Variants in MYCBP2 observed in about 807,000 individuals in gnomAD.
The protein encoded by MYCBP2 is E3 ubiquitin-protein ligase MYCBP2.
Under a neutral mutation model 525.3 loss-of-function variants are expected in MYCBP2, and 120 were observed. The ratio of observed to expected loss-of-function variants is 0.23; its 90% CI spans 0.20 to 0.27. The LOEUF is 0.27. Ranked by LOEUF, MYCBP2 falls within the 10% of genes least tolerant of loss-of-function variation. The pLI is 1.00. For missense variants in MYCBP2, 4,149 were observed against 5,657.1 expected, an observed-to-expected ratio of 0.73 and a Z score of 8.55; for synonymous variants, 1,894 against 1,955.8, an observed-to-expected ratio of 0.97 and a Z score of 0.83.
chr13:77,210,825 C>T (rs2063911989), intron 23 of MYCBP2, among the ~76,000 whole-genome samples: 1 of 152,100 alleles, frequency 6.6e-6, no homozygotes, highest in African/African-American at 2.4e-5. Flanking sequence ...ATGATAATAG[C>T]AAACACTTAT....
In MYCBP2 at chr13:77,120,332, T is replaced by C. The variant is rs576754228; in HGVS notation, c.8140+1041A>G. 3.3e-5 allele frequency among the ~76,000 whole-genome samples: 5 copies of C among 151,590 alleles called. No individual in the cohort carries two copies. The East Asian group carries it at 9.7e-4, about 29-fold the overall frequency. ...TATGAGATAGGCTAGTCCAAGGGAG[T>C]AAAAAAAAATCTTGTGGCTAGGTTT... On this transcript the variant is annotated intron_variant, in intron 55 of 82. Transcript: ENST00000544440.
At chr13:77,271,490 T>C (rs1019988224) in intron 5 of MYCBP2, among the ~76,000 whole-genome samples, 2 of 152,128 alleles carry the variant, frequency 1.3e-5, no homozygotes, top group South Asian at 4.1e-4. Flanking sequence ...CATACTCATA[T>C]GGTTTGGTTG....
chr13:77,272,878 C>A (rs371897268), intron 5 of MYCBP2, among the ~76,000 whole-genome samples: 7 of 152,352 alleles, frequency 4.6e-5, no homozygotes, highest in Admixed American at 3.9e-4. Context: ...AAGATCATAA[C>A]TTCTTTCTCA....
intron 4 of MYCBP2, among the ~76,000 whole-genome samples, chr13:77,274,325 A>C (rs1054572036): frequency 7.2e-5 from 11 of 152,238 alleles, no homozygotes; most frequent in African/African-American, 2.7e-4. Context: ...AGGTCTCTGC[A>C]CAAAATTCCC....
chr13:77,223,791 T>A (rs2065902263), intron 20 of MYCBP2, among the ~76,000 whole-genome samples: 1 of 152,176 alleles, frequency 6.6e-6, no homozygotes, highest in Non-Finnish European at 1.5e-5. Flanking sequence ...CCCTTTCCCT[T>A]TAACAGCAAG....
At chr13:77,288,107 G>T in intron 3 of MYCBP2, 54 bp downstream of exon 3, 1 of 1,558,750 alleles carries the variant, frequency 6.4e-7, no homozygotes, top group Non-Finnish European at 8.8e-7. Flanking sequence ...ATGCATTATA[G>T]CCAGAACACC....
At chr13:77,190,119 A>T in intron 29 of MYCBP2, 133 bp downstream of exon 29, 1 of 476,074 alleles carries the variant, frequency 2.1e-6, no homozygotes, top group South Asian at 4.8e-5. Flanking sequence ...ATATATTTAT[A>T]GTTCTACCAG....
intron 26 of MYCBP2, among the ~76,000 whole-genome samples, chr13:77,201,267 A>G (rs1047216955): frequency 3.3e-5 from 5 of 149,604 alleles, no homozygotes; most frequent in Non-Finnish European, 6.0e-5. Context: ...AACAGACTTT[A>G]AACCAACAAA....
rs575444475 is a variant in MYCBP2, at chr13:77,247,631, G to T, written c.2381+3520C>A. On this transcript the variant is annotated intron_variant, in intron 15 of 82. Transcript: ENST00000544440. ...CAAATAGCCAAACAATCTTGAAAAA[G>T]AAGAACAAAGTACTCGGTTTTGACT... 3.9e-5 allele frequency among the ~76,000 whole-genome samples: 6 copies of T among 152,168 alleles called. No homozygotes were observed. In the South Asian group the frequency reaches 6.2e-4, roughly 16 times the overall value.
Position 77,191,774 on chromosome 13 carries a change from CAGG to C in MYCBP2, c.3972_3974del (p.Leu1325del), listed in dbSNP as rs752478616. 1 of 1,614,060 alleles carries C rather than the reference CAGG, an allele frequency of 6.2e-7. No homozygotes were observed. Among genetic ancestry groups the C allele is most frequent in the Non-Finnish European group, 8.5e-7 (1 of 1,179,992 alleles). Reference sequence around the variant, plus strand: ...ATGCCACATACCACCACCCAGCTTGCAGGAGAACAGGCTCATCAAACATCATTG... The same window carrying C: ...ATGCCACATACCACCACCCAGCTTGCAGAACAGGCTCATCAAACATCATTG... On this transcript the variant is annotated inframe_deletion, in exon 28 of 83. Coordinates refer to ENST00000544440, the MANE Select transcript of MYCBP2 (RefSeq NM_015057.5).
chr13:77,286,570 GGT>G (rs1368141200), intron 3 of MYCBP2, among the ~76,000 whole-genome samples: 1 of 149,426 alleles, frequency 6.7e-6, no homozygotes, highest in African/African-American at 2.5e-5. Flanking sequence ...CGGCTAACAC[GGT>G]GAAACCCCGT....
At chr13:77,107,229 G>C (rs2047992644) in intron 55 of MYCBP2, among the ~76,000 whole-genome samples, 1 of 151,892 alleles carries the variant, frequency 6.6e-6, no homozygotes, top group African/African-American at 2.4e-5. Flanking sequence ...ACAGTAAATA[G>C]GTCTAACTTT....
chr13:77,262,544 T>C (rs2073473894), intron 10 of MYCBP2, among the ~76,000 whole-genome samples: 1 of 151,978 alleles, frequency 6.6e-6, no homozygotes, highest in Non-Finnish European at 1.5e-5. Flanking sequence ...TATATAAAGG[T>C]TGGAGAGGTT....
At chr13:77,177,393 G>A (rs2059815379) in intron 35 of MYCBP2, among the ~76,000 whole-genome samples, 1 of 144,122 alleles carries the variant, frequency 6.9e-6, no homozygotes, top group Non-Finnish European at 1.5e-5. Context: ...CCAGGCTTGA[G>A]TGCAGTGGCA....
In MYCBP2 at chr13:77,165,283, C is replaced by G. The variant is rs2058402485; in HGVS notation, c.6449G>C (p.Gly2150Ala). The change falls in exon 42 of 83, where the codon GGA becomes GCA. Residue 2150 changes from glycine to alanine, a missense_variant. This residue lies in a region of MYCBP2 where 692 missense variants were observed against 852.7 expected (regional missense o/e 0.81). Transcript: ENST00000544440. ...CFAIGYEFSP[G>A]PDEGVIQLEK... Reference sequence around the variant, plus strand: ...ATAATTCATTCTTACCTCATCAGGTCCAGGGCTAAATTCATATCCAATTGC... The same window carrying G: ...ATAATTCATTCTTACCTCATCAGGTGCAGGGCTAAATTCATATCCAATTGC... 3 of 1,603,818 alleles carry G rather than the reference C, an allele frequency of 1.9e-6. No individual in the cohort carries two copies. The highest frequency in any genetic ancestry group is 1.3e-5 in the African/African-American group (1 of 74,466).
At chr13:77,307,150 T>A (rs530381890) in intron 1 of MYCBP2, among the ~76,000 whole-genome samples, 1 of 152,234 alleles carries the variant, frequency 6.6e-6, no homozygotes, top group South Asian at 2.1e-4. Context: ...CCCTGAGACC[T>A]TTTCAAATCT....
rs560132688 is a variant in MYCBP2, at chr13:77,178,539, T to C, written c.5134-585A>G. 3.9e-5 allele frequency among the ~76,000 whole-genome samples: 6 copies of C among 152,366 alleles called. No individual in the cohort carries two copies. In the South Asian group the frequency reaches 1.2e-3, roughly 32 times the overall value. On this transcript the variant is annotated intron_variant, in intron 34 of 82. Transcript: ENST00000544440. ...CATTCAGTATTTGAATACGTACACA[T>C]ACACATGTGCAACTATACTAATTAT... is the stretch of plus-strand genomic sequence containing the variant.
intron 82 of MYCBP2, among the ~76,000 whole-genome samples, chr13:77,050,023 A>T (rs670513): frequency 0.83 from 124,389 of 150,440 alleles, 51,563 homozygotes; most frequent in Middle Eastern, 0.88. Flanking sequence ...TTTTTTTTTT[A>T]AACTGATGCG....
intron 3 of MYCBP2, among the ~76,000 whole-genome samples, chr13:77,283,126 G>A (rs1346686899): frequency 6.6e-6 from 1 of 152,060 alleles, no homozygotes; most frequent in Admixed American, 6.5e-5. Context: ...TGTTAGTAAG[G>A]CATATTCATA....
Sources: gnomAD v4.1 joint callset for allele counts (sites outside exome capture counted in the v4.1 genomes callset) on GRCh38, gnomAD v4.1.1 for gene constraint, gnomAD v4.1.1 regional missense constraint, MANE v1.5 for transcripts, NCBI Gene and HGNC (gene_info 2026-07-23, HGNC 2026-07-21) for gene names.